The following GCA variants were observed in gnomAD, a reference collection of about 807,000 sequenced individuals.
GCA encodes grancalcin, also known as grancalcin, EF-hand calcium-binding protein.
Under a neutral mutation model 32.6 loss-of-function variants are expected in GCA, and 30 were observed. The observed-to-expected ratio is 0.92, with a 90% CI of 0.69 to 1.25. The LOEUF is 1.25. GCA is among the 50% of genes most tolerant of loss of function. The pLI is 0.00. For synonymous variants in GCA, 102 were observed against 84.6 expected, an observed-to-expected ratio of 1.21 and a Z score of -1.13; for missense variants, 291 against 266.8, an observed-to-expected ratio of 1.09 and a Z score of -0.63.
chr2:162,371,074 C>T (rs1011561722), intron 4 of GCA, among the ~76,000 whole-genome samples: 2 of 151,994 alleles, frequency 1.3e-5, no homozygotes, highest in African/African-American at 4.8e-5. Flanking sequence ...TTAAGGAGAC[C>T]ACACCATCCC....
chr2:162,358,932 TATATTTTTG>T (rs1457901448), intron 5 of GCA, 103 bp from the exon 6 acceptor site: 2 of 553,026 alleles, frequency 3.6e-6, no homozygotes, highest in Non-Finnish European at 6.4e-6. Flanking sequence ...TGTTTCTAAT[TATATTTTTG>T]TGGAATGAAT....
intron 3 of GCA, among the ~76,000 whole-genome samples, chr2:162,355,622 G>T (rs1003417635): frequency 6.6e-6 from 1 of 151,530 alleles, no homozygotes; most frequent in African/African-American, 2.4e-5. Flanking sequence ...ATTAGAAAAG[G>T]ATTAGAAAAA....
At chr2:162,351,003 A>G (rs554466626) in intron 2 of GCA, among the ~76,000 whole-genome samples, 3 of 152,158 alleles carry the variant, frequency 2.0e-5, no homozygotes, top group Non-Finnish European at 4.4e-5. Context: ...ACTTACATCT[A>G]CAGCCATATC....
At chr2:162,345,947 A>G (rs1684681219) in intron 1 of GCA, among the ~76,000 whole-genome samples, 1 of 152,168 alleles carries the variant, frequency 6.6e-6, no homozygotes, top group African/African-American at 2.4e-5. Flanking sequence ...TTGTTTTGAT[A>G]GTATACTTTT....
chr2:162,355,525 G>A (rs1685220572), intron 3 of GCA, among the ~76,000 whole-genome samples: 1 of 151,804 alleles, frequency 6.6e-6, no homozygotes, highest in Non-Finnish European at 1.5e-5. Flanking sequence ...AATTTAAACT[G>A]TACTAACGTG....
At chr2:162,366,967 G>A (rs550376275), downstream of GCA, among the ~76,000 whole-genome samples, 13 of 151,974 alleles carry the variant, frequency 8.6e-5, no homozygotes, top group African/African-American at 3.1e-4. Flanking sequence ...TAGTGCTACT[G>A]CACTACCCCA....
In GCA at chr2:162,362,989, T is replaced by C. The variant is rs1383461340; in HGVS notation, c.*2746T>C. On this transcript the variant is annotated 3_prime_UTR_variant, in exon 8 of 8. Transcript: ENST00000437150. ...TAGAATCTGTTAATACAGTTTAAAG[T>C]CTGTGGAGTTAAAAAAAATAACAAA... is the stretch of plus-strand genomic sequence containing the variant. Among the ~76,000 whole-genome samples, 1 of 151,364 alleles carries C rather than the reference T, an allele frequency of 6.6e-6. No homozygotes were observed. The highest frequency in any genetic ancestry group is 1.5e-5 in the Non-Finnish European group (1 of 67,518).
chr2:162,323,540 A>T (rs1359570179), intron 1 of GCA, among the ~76,000 whole-genome samples: 1 of 151,824 alleles, frequency 6.6e-6, no homozygotes, highest in African/African-American at 2.4e-5. Context: ...TTATGGTTTT[A>T]GGTCTAACGT....
chr2:162,342,136 C>A (rs894504777), upstream of GCA, among the ~76,000 whole-genome samples: 1 of 151,986 alleles, frequency 6.6e-6, no homozygotes, highest in Non-Finnish European at 1.5e-5. Flanking sequence ...AACTCTATGG[C>A]CTTATTTGAA....
chr2:162,370,745 T>G (rs1346071876), intron 4 of GCA, among the ~76,000 whole-genome samples: 1 of 152,068 alleles, frequency 6.6e-6, no homozygotes, highest in Non-Finnish European at 1.5e-5. Flanking sequence ...ATTGCACATT[T>G]TTTGAAAACT....
downstream of GCA, chr2:162,373,326 C>A (rs937723604): frequency 1.1e-5 from 5 of 471,892 alleles, no homozygotes; most frequent in Non-Finnish European, 1.8e-5. Flanking sequence ...ATTACAGGGC[C>A]CATTTCCAGA....
rs756171068 is a variant in GCA, at chr2:162,344,239, C to A, written c.-10C>A. On this transcript the variant is annotated 5_prime_UTR_variant, in exon 1 of 8. Transcript: ENST00000437150. ...CGAGGGTGACGCTCGCTCCGCTCGTCCCGCTCGTCATGGCCTACCCGGGAT... is the reference window on the plus strand; with the variant it reads ...CGAGGGTGACGCTCGCTCCGCTCGTACCGCTCGTCATGGCCTACCCGGGAT... The A allele has an allele frequency of 6.2e-7, 1 of 1,613,744 alleles. No homozygotes were observed. Among genetic ancestry groups the A allele is most frequent in the Non-Finnish European group, 8.5e-7 (1 of 1,179,862 alleles).
chr2:162,319,591 A>G (rs1683592839), intron 1 of GCA, among the ~76,000 whole-genome samples: 1 of 150,314 alleles, frequency 6.7e-6, no homozygotes, highest in Admixed American at 6.6e-5. Context: ...TGTCTATGTC[A>G]TGAGAGAAAA....
Position 162,361,877 on chromosome 2 carries a change from C to A in GCA, c.*1634C>A. 1 of 984,146 alleles carries A rather than the reference C, an allele frequency of 1.0e-6. No individual in the cohort carries two copies. The highest frequency in any genetic ancestry group is 1.2e-6 in the Non-Finnish European group (1 of 828,958). 61.0% of individuals were successfully genotyped at this position (984,146 alleles called of 1,614,324 possible). A position where few individuals can be genotyped will look rare whatever the true frequency, so the allele number is the denominator to read the frequency against. The stretch of plus-strand genomic sequence containing the variant: ...ATCGAATGGTGATAATGTCGCTCAG[C>A]AACCTGTAATCTTAACATCCAGGTT... On this transcript the variant is annotated 3_prime_UTR_variant, in exon 8 of 8. Coordinates refer to ENST00000437150, the MANE Select transcript of GCA (RefSeq NM_012198.5).
intron 1 of GCA, among the ~76,000 whole-genome samples, chr2:162,327,237 G>A (rs577359067): frequency 6.6e-6 from 1 of 152,128 alleles, no homozygotes; most frequent in Non-Finnish European, 1.5e-5. Flanking sequence ...GACCAAAAAG[G>A]TATGTTAGTG....
chr2:162,374,100 T>A (rs970388576), downstream of GCA, among the ~76,000 whole-genome samples: 1 of 152,252 alleles, frequency 6.6e-6, no homozygotes, highest in Non-Finnish European at 1.5e-5. Context: ...TAATTTCTTA[T>A]GTGTTTTTAC....
At chr2:162,328,468 T>C (rs1386133105) in intron 1 of GCA, among the ~76,000 whole-genome samples, 1 of 152,136 alleles carries the variant, frequency 6.6e-6, no homozygotes, top group Non-Finnish European at 1.5e-5. Context: ...AAGGCAAACC[T>C]GACAGCATTC....
chr2:162,326,120 C>A (rs1249576054), intron 1 of GCA, among the ~76,000 whole-genome samples: 1 of 152,128 alleles, frequency 6.6e-6, no homozygotes, highest in Admixed American at 6.5e-5. Context: ...GCTGGGCTTG[C>A]CCCTTGCAGC....
chr2:162,324,606 T>C (rs1216501391), intron 1 of GCA, among the ~76,000 whole-genome samples: 1 of 152,174 alleles, frequency 6.6e-6, no homozygotes, highest in African/African-American at 2.4e-5. Context: ...GATGGGGGCA[T>C]GGCAGGCTAC....
Sources: gnomAD v4.1 joint callset for allele counts (sites outside exome capture counted in the v4.1 genomes callset) on GRCh38, gnomAD v4.1.1 for gene constraint, MANE v1.5 for transcripts, NCBI Gene and HGNC (gene_info 2026-07-23, HGNC 2026-07-21) for gene names.